Variants in SF3B3 observed in about 807,000 individuals in gnomAD.
SF3B3 encodes SAP 130.
In SF3B3, 33 loss-of-function variants were observed where a neutral mutation model predicts 139.2. The observed-to-expected ratio is 0.24, with a 90% CI of 0.18 to 0.32. SF3B3 has a LOEUF of 0.32. Among genes scored for constraint, SF3B3 ranks in the 10% least tolerant of loss-of-function variants. The pLI, the probability that SF3B3 is intolerant of heterozygous loss-of-function variation, is 1.00. For synonymous variants in SF3B3, 596 were observed against 563.6 expected (o/e 1.06, Z -0.81); for missense variants, 818 against 1,509.4 (o/e 0.54, Z 7.59).
chr16:70,564,552 C>T (rs568830103), intron 18 of SF3B3, among the ~76,000 whole-genome samples: 29 of 152,316 alleles, frequency 1.9e-4, no homozygotes, highest in African/African-American at 6.0e-4. Flanking sequence ...AAACAGAATT[C>T]TCCCGTCCTT....
chr16:70,568,556 G>C, intron 22 of SF3B3, 61 bp downstream of exon 22: 1 of 1,371,224 alleles, frequency 7.3e-7, no homozygotes, highest in African/African-American at 1.4e-5. Context: ...TCAGTTTCTT[G>C]TGGGTAAAGC....
chr16:70,527,348 A>G (rs2050073826), intron 2 of SF3B3, among the ~76,000 whole-genome samples: 1 of 152,194 alleles, frequency 6.6e-6, no homozygotes, highest in Non-Finnish European at 1.5e-5. Context: ...ATGTTTATAA[A>G]ATAAAAACTT....
Position 70,526,591 on chromosome 16 carries a change from C to G in SF3B3, c.-66C>G, listed in dbSNP as rs1303452952. The G allele has an allele frequency of 9.0e-7, 1 of 1,110,504 alleles. No individual in the cohort carries two copies. The highest frequency in any genetic ancestry group is 1.3e-6 in the Non-Finnish European group (1 of 747,346). The allele number at this position is 1,110,504 out of a possible 1,614,324, so 68.8% of individuals were successfully genotyped here. On this transcript the variant is annotated 5_prime_UTR_variant, in exon 2 of 26. Coordinates refer to ENST00000302516, the MANE Select transcript of SF3B3 (RefSeq NM_012426.5). ...TTCTGTTTTCTGTTTTCTTAGCTTT[C>G]TTGGACTCCGTACTGTTGGTGTAAC...
chr16:70,545,014 T>C (rs1170802691), intron 10 of SF3B3, among the ~76,000 whole-genome samples: 2 of 152,254 alleles, frequency 1.3e-5, no homozygotes, highest in African/African-American at 2.4e-5. Flanking sequence ...TTGTATCTTA[T>C]TAAATTTATT....
At chr16:70,555,607 A>T (rs952585297) in intron 13 of SF3B3, among the ~76,000 whole-genome samples, 1 of 152,012 alleles carries the variant, frequency 6.6e-6, no homozygotes, top group Non-Finnish European at 1.5e-5. Context: ...ATCCCCTCTT[A>T]GCAGTGAAAC....
chr16:70,564,956 C>A, intron 18 of SF3B3, 109 bp from the exon 19 acceptor site: 1 of 961,850 alleles, frequency 1.0e-6, no homozygotes, highest in Non-Finnish European at 1.7e-6. Flanking sequence ...GCTGACTTTG[C>A]TGCTTTATGT....
At chr16:70,542,150 G>A (rs1190454727) in intron 9 of SF3B3, among the ~76,000 whole-genome samples, 1 of 151,444 alleles carries the variant, frequency 6.6e-6, no homozygotes, top group Admixed American at 6.5e-5. Context: ...GAGCCATATT[G>A]CTTGTATTAA....
chr16:70,576,437 T>A lies in SF3B3; in HGVS notation c.*4624T>A, dbSNP rs182525066. 7 of 152,224 alleles carry A rather than the reference T, an allele frequency of 4.6e-5. No homozygotes were observed. The highest frequency in any genetic ancestry group is 4.6e-4 in the Admixed American group (7 of 15,286). 9.4% of individuals were successfully genotyped at this position (152,224 alleles called of 1,614,324 possible). Reference sequence around the variant, plus strand: ...CCCAGGTCCACTCAGCAGAACTTGCTCCCTTCTCTGACTGCAGTCTCATAA... The same window carrying A: ...CCCAGGTCCACTCAGCAGAACTTGCACCCTTCTCTGACTGCAGTCTCATAA... On this transcript the variant is annotated 3_prime_UTR_variant, in exon 26 of 26. Transcript: ENST00000302516.
At chr16:70,537,276 A>G (rs1273173175) in intron 6 of SF3B3, among the ~76,000 whole-genome samples, 1 of 152,160 alleles carries the variant, frequency 6.6e-6, no homozygotes, top group African/African-American at 2.4e-5. Flanking sequence ...TGAGACATTA[A>G]ATTGGTCACT....
chr16:70,567,890 T>G (rs2050492199), intron 21 of SF3B3, among the ~76,000 whole-genome samples: 1 of 152,180 alleles, frequency 6.6e-6, no homozygotes, highest in African/African-American at 2.4e-5. Flanking sequence ...TTTTACCATG[T>G]TGGCCAGGCT....
chr16:70,536,722 C>T (rs1474943608), intron 6 of SF3B3, among the ~76,000 whole-genome samples: 1 of 151,908 alleles, frequency 6.6e-6, no homozygotes, highest in Middle Eastern at 3.2e-3. Context: ...AAACTCCTGA[C>T]CTCAAGTCAT....
Position 70,560,504 on chromosome 16 carries a change from C to G in SF3B3, c.2046C>G (p.Val682=). 6.2e-7 allele frequency: 1 copy of G among 1,613,978 alleles called. No homozygotes were observed. The highest frequency in any genetic ancestry group is 8.5e-7 in the Non-Finnish European group (1 of 1,179,896). The change falls in exon 16 of 26, where the codon GTC becomes GTG. Residue 682 remains valine, a synonymous_variant. Coordinates refer to ENST00000302516, the MANE Select transcript of SF3B3 (RefSeq NM_012426.5). ...GVLLRTVLDP[V]TGDLSDTRTR... ...TGCTGAGGACTGTCTTGGACCCTGT[C>G]ACTGGGGATTTGTCTGATACTCGCA...
intron 19 of SF3B3, 49 bp downstream of exon 19, chr16:70,565,319 C>T: frequency 6.2e-7 from 1 of 1,613,500 alleles, no homozygotes; most frequent in East Asian, 2.2e-5. Context: ...AACAGGAGCT[C>T]TCTGAGTTTT....
rs776202104 is a variant in SF3B3, at chr16:70,556,866, G to T, written c.1867-20G>T. On this transcript the variant is annotated intron_variant, in intron 14 of 25. Transcript: ENST00000302516. ...AAATTGTCATTTTCTGTGTTTTTATGATTTTTCTCTCCCTCTCAGGACTGT... is the reference window on the plus strand; with the variant it reads ...AAATTGTCATTTTCTGTGTTTTTATTATTTTTCTCTCCCTCTCAGGACTGT... The T allele has an allele frequency of 2.7e-5, 44 of 1,613,488 alleles. No homozygotes were observed. The East Asian group carries it at 9.1e-4, about 33-fold the overall frequency.
At chr16:70,547,536 G>A (rs935121923) in intron 10 of SF3B3, among the ~76,000 whole-genome samples, 1 of 152,152 alleles carries the variant, frequency 6.6e-6, no homozygotes, top group African/African-American at 2.4e-5. Flanking sequence ...TGACTTTAAG[G>A]AGCATAAAAA....
Position 70,572,652 on chromosome 16 carries a change from C to G in SF3B3, c.*839C>G, listed in dbSNP as rs4284632. ...TTAACAGATGCCCCTTTTACTGATA[C>G]AGCACCTAAAGCGATCTTTGGCTCC... On this transcript the variant is annotated 3_prime_UTR_variant, in exon 26 of 26. Transcript: ENST00000302516. 0.42 allele frequency: 65,044 copies of G among 153,210 alleles called. 14,053 individuals are homozygous for G. Among genetic ancestry groups the G allele is most frequent in the South Asian group, 0.66 (3,189 of 4,864 alleles). 9.5% of individuals were successfully genotyped at this position (153,210 alleles called of 1,614,324 possible).
intron 15 of SF3B3, among the ~76,000 whole-genome samples, chr16:70,559,223 G>C (rs2050405654): frequency 6.6e-6 from 1 of 152,150 alleles, no homozygotes; most frequent in Non-Finnish European, 1.5e-5. Context: ...TAATTAGTTG[G>C]AATTCTAAAG....
chr16:70,563,262 A>G (rs2050446442), intron 17 of SF3B3, among the ~76,000 whole-genome samples: 1 of 152,212 alleles, frequency 6.6e-6, no homozygotes, highest in Non-Finnish European at 1.5e-5. Flanking sequence ...GAGCCACCAC[A>G]CGCAGCCCCT....
intron 23 of SF3B3, 183 bp from the exon 24 acceptor site, chr16:70,569,823 C>T: frequency 1.6e-6 from 1 of 616,616 alleles, no homozygotes; most frequent in South Asian, 1.9e-5. Context: ...TACGAGACCT[C>T]ACTGTGTTGC....
Sources: allele counts gnomAD v4.1 joint callset (sites outside exome capture counted in the v4.1 genomes callset), GRCh38; gene constraint gnomAD v4.1.1; transcripts MANE v1.5; gene names NCBI Gene and HGNC (gene_info 2026-07-23, HGNC 2026-07-21).